Variants in ARHGEF18 observed in about 807,000 individuals in gnomAD.
The protein encoded by ARHGEF18 is rho guanine nucleotide exchange factor 18.
Under a neutral mutation model 155.7 loss-of-function variants are expected in ARHGEF18, and 93 were observed. That is an observed-to-expected ratio of 0.60 (90% CI 0.50 to 0.71). The LOEUF is 0.71. Among genes scored for constraint, ARHGEF18 ranks in the 30% least tolerant of loss-of-function variants. The pLI, the probability that ARHGEF18 is intolerant of heterozygous loss-of-function variation, is 0.00. For synonymous variants in ARHGEF18, 742 were observed against 753.1 expected (o/e 0.99, Z 0.24); for missense variants, 1,593 against 1,816.1 (o/e 0.88, Z 2.23).
Position 7,471,305 on chromosome 19 carries a change from C to T in ARHGEF18, c.*1007C>T, listed in dbSNP as rs1345643966. ...TGGACAAGTGGCCGCTGTGCGGGCCCCTCGCTTGTAGTGAGCTGTTGCAGC... is the reference window on the plus strand; with the variant it reads ...TGGACAAGTGGCCGCTGTGCGGGCCTCTCGCTTGTAGTGAGCTGTTGCAGC... On this transcript the variant is annotated 3_prime_UTR_variant, in exon 29 of 29. Transcript: ENST00000668164. This position sits in a 1 kb window ranked among gnomAD's most constrained non-coding sequence, Gnocchi z 4.4. The T allele has an allele frequency of 6.5e-6, 1 of 153,348 alleles. No homozygotes were observed. Among genetic ancestry groups the T allele is most frequent in the Non-Finnish European group, 1.5e-5 (1 of 68,882 alleles). 9.5% of individuals were successfully genotyped at this position (153,348 alleles called of 1,614,324 possible). A position where few individuals can be genotyped will look rare whatever the true frequency, so the allele number is the denominator to read the frequency against.
intron 10 of ARHGEF18, among the ~76,000 whole-genome samples, chr19:7,386,843 C>T (rs542563011): frequency 6.6e-6 from 1 of 152,122 alleles, no homozygotes; most frequent in South Asian, 2.1e-4. Flanking sequence ...TTCAGTGGCC[C>T]CTGTGTGAGC....
At chr19:7,430,002 A>AT (rs2145719123) in intron 10 of ARHGEF18, among the ~76,000 whole-genome samples, 1 of 151,106 alleles carries the variant, frequency 6.6e-6, no homozygotes, top group East Asian at 1.9e-4. Context: ...CTTGGGAATA[A>AT]TTTTCAGTTT....
intron 10 of ARHGEF18, among the ~76,000 whole-genome samples, chr19:7,402,002 G>A (rs1011965746): frequency 6.6e-6 from 1 of 152,232 alleles, no homozygotes; most frequent in South Asian, 2.1e-4. Context: ...TATATGAAAT[G>A]TATACAACAG....
chr19:7,442,218 T>G (rs1323442319), intron 13 of ARHGEF18, among the ~76,000 whole-genome samples, 166 bp downstream of exon 13: 1 of 151,070 alleles, frequency 6.6e-6, no homozygotes, highest in Non-Finnish European at 1.5e-5. Flanking sequence ...TCTTTTGTCC[T>G]CTTTCTCTCT....
intron 1 of ARHGEF18, among the ~76,000 whole-genome samples, chr19:7,358,504 C>T (rs1223039341): frequency 6.6e-6 from 1 of 152,042 alleles, no homozygotes; most frequent in Non-Finnish European, 1.5e-5. Flanking sequence ...ATTCATCCAT[C>T]CATCCATCCT....
At chr19:7,407,034 C>T (rs530927226) in intron 10 of ARHGEF18, among the ~76,000 whole-genome samples, 1 of 143,392 alleles carries the variant, frequency 7.0e-6, no homozygotes, top group East Asian at 2.1e-4. Context: ...CACTGCACTC[C>T]AGCCTGGGCG....
intron 10 of ARHGEF18, among the ~76,000 whole-genome samples, chr19:7,385,211 G>A (rs900901681): frequency 3.9e-5 from 6 of 152,270 alleles, no homozygotes; most frequent in East Asian, 1.9e-4. Context: ...CAGAGCAGGC[G>A]CTGGGAGCCT....
chr19:7,396,869 G>C (rs1971741533), intron 10 of ARHGEF18, among the ~76,000 whole-genome samples: 1 of 152,082 alleles, frequency 6.6e-6, no homozygotes. Context: ...TTTCTATGAA[G>C]TAATCTGTGT....
chr19:7,477,327 G>C, downstream of ARHGEF18: 2 of 1,557,644 alleles, frequency 1.3e-6, no homozygotes, highest in Admixed American at 1.9e-5. Context: ...AGCACGCCCC[G>C]GGGCAGCCAG....
At position 7,466,926 on chromosome 19, in the gene ARHGEF18, G is replaced by T; in HGVS notation, c.2913G>T (p.Ala971=). ...CGGTGTCCTCTTCCCAGGTGGAGGC[G>T]CCAGGCACGGAATCCGATCCCCGTC... ...SSEESPQVVE[A]PGTESDPRLP... Residue 971 remains alanine, a synonymous_variant, in exon 24 of 29, where the codon GCG becomes GCT. Transcript: ENST00000668164. The T allele has an allele frequency of 6.2e-7, 1 of 1,613,294 alleles. No individual in the cohort carries two copies. Among genetic ancestry groups the T allele is most frequent in the Non-Finnish European group, 8.5e-7 (1 of 1,179,968 alleles).
intron 22 of ARHGEF18, 35 bp from the exon 23 acceptor site, chr19:7,464,525 G>A (rs747673696): frequency 9.4e-6 from 15 of 1,589,638 alleles, no homozygotes; most frequent in Non-Finnish European, 1.2e-5. Context: ...CCACGGGATG[G>A]CAGCATCCTC....
the ARHGEF18 span, among the ~76,000 whole-genome samples, chr19:7,479,717 G>A: frequency 2.0e-5 from 3 of 151,354 alleles, no homozygotes; most frequent in African/African-American, 4.8e-5. Flanking sequence ...TTCGATGGCC[G>A]TGAAACAATT....
At chr19:7,402,486 A>G (rs1034411637) in intron 10 of ARHGEF18, among the ~76,000 whole-genome samples, 6 of 152,172 alleles carry the variant, frequency 3.9e-5, no homozygotes, top group Non-Finnish European at 8.8e-5. Flanking sequence ...TGAACATACT[A>G]AGAACCATTG....
chr19:7,370,462 C>T (rs1970152684), intron 2 of ARHGEF18, among the ~76,000 whole-genome samples: 1 of 151,686 alleles, frequency 6.6e-6, no homozygotes, highest in Non-Finnish European at 1.5e-5. Context: ...CACCACTGCA[C>T]TCCAGCCTGG....
intron 10 of ARHGEF18, among the ~76,000 whole-genome samples, chr19:7,437,422 C>CA (rs200582880): frequency 1.8e-3 from 220 of 122,506 alleles, no homozygotes; most frequent in East Asian, 6.1e-3. Context: ...AAATCCGTCT[C>CA]AAAAAAAAAA....
intron 10 of ARHGEF18, among the ~76,000 whole-genome samples, chr19:7,387,485 T>G (rs1428619543): frequency 6.6e-6 from 1 of 152,062 alleles, no homozygotes; most frequent in Non-Finnish European, 1.5e-5. Flanking sequence ...TTTGTTTGTT[T>G]GCATACGCTG....
intron 10 of ARHGEF18, among the ~76,000 whole-genome samples, chr19:7,393,047 C>CAAAAA (rs60015151): frequency 1.8e-5 from 1 of 56,674 alleles, no homozygotes. Flanking sequence ...GATCCTGTCT[C>CAAAAA]AAAAAAAAAA....
At chr19:7,363,126 G>C (rs1261234752) in intron 2 of ARHGEF18, among the ~76,000 whole-genome samples, 1 of 152,156 alleles carries the variant, frequency 6.6e-6, no homozygotes, top group East Asian at 1.9e-4. Context: ...AGGGATGAAT[G>C]GATGGATGGA....
chr19:7,438,141 C>A (rs1446342687), intron 10 of ARHGEF18, among the ~76,000 whole-genome samples: 1 of 143,822 alleles, frequency 7.0e-6, no homozygotes, highest in Non-Finnish European at 1.5e-5. Context: ...CGCTCTGTCA[C>A]CCAGGCTGGA....
Sources: allele counts gnomAD v4.1 joint callset (sites outside exome capture counted in the v4.1 genomes callset), GRCh38; gene constraint gnomAD v4.1.1; non-coding constraint Gnocchi (gnomAD v3.1); transcripts MANE v1.5; gene names NCBI Gene and HGNC (gene_info 2026-07-23, HGNC 2026-07-21).